E2F2: variants seen among roughly 807,000 people sequenced by gnomAD.
The protein encoded by E2F2 is E2F transcription factor 2.
In E2F2, 22 loss-of-function variants were observed where a neutral mutation model predicts 42.2. That is an observed-to-expected ratio of 0.52 (90% CI 0.37 to 0.74). The LOEUF (loss-of-function observed/expected upper bound fraction) is 0.74, where lower values mean the gene tolerates loss of function less well. Ranked by LOEUF, E2F2 falls within the 30% of genes least tolerant of loss-of-function variation. E2F2 has a pLI of 0.00. For missense variants in E2F2, 481 were observed against 557.8 expected (o/e 0.86, Z 1.39); for synonymous variants, 248 against 251.6 (o/e 0.99, Z 0.13).
intron 1 of E2F2, among the ~76,000 whole-genome samples, chr1:23,528,495 C>T (rs756663479): frequency 4.6e-5 from 7 of 152,190 alleles, no homozygotes; most frequent in Non-Finnish European, 1.0e-4. Flanking sequence ...CCTGGCAGGG[C>T]TTTAGGGTGG....
intron 3 of E2F2, 123 bp downstream of exon 3, chr1:23,521,714 T>C (rs1171592371): frequency 6.7e-7 from 1 of 1,497,870 alleles, no homozygotes; most frequent in Non-Finnish European, 8.9e-7. Context: ...CCTCAGCCCT[T>C]GTGCCCATTG....
At position 23,524,421 on chromosome 1, in the gene E2F2, C is replaced by T. The variant is rs1412249016; in HGVS notation, c.320G>A (p.Gly107Glu). The T allele has an allele frequency of 9.9e-6, 16 of 1,613,890 alleles. No individual in the cohort carries two copies. The highest frequency in any genetic ancestry group is 1.7e-5 in the Admixed American group (1 of 59,986). Residue 107 changes from glycine (G) to glutamate (E), a missense_variant, in exon 2 of 7, where the codon GGG (glycine) becomes GAG (glutamate). Coordinates refer to ENST00000361729, the MANE Select transcript of E2F2 (RefSeq NM_004091.4). ...PVVPEFPTPK[G>E]KCIRVDGLPS... is the part of the protein sequence containing the mutation. ...GAGGCCATCCACTCTGATGCACTTC[C>T]CCTTGGGGGTTGGGAACTCAGGGAC... is the stretch of plus-strand genomic sequence containing the variant.
chr1:23,530,590 G>C lies in E2F2; in HGVS notation c.204C>G (p.His68Gln). ...ATCGCACAACTTGGCCCTCGGGTCC[G>C]TGGGGAGTGGCGTCGAGGCAGGTGC... ...APGTCLDATP[H>Q]GPEGQVVRCL... Residue 68 changes from histidine (H) to glutamine (Q), a missense_variant, in exon 1 of 7, where the codon CAC (histidine) becomes CAG (glutamine). His to Gln is a conservative substitution (Grantham distance 24, BLOSUM62 0). Transcript: ENST00000361729. This position sits in a 1 kb window ranked among gnomAD's most constrained non-coding sequence, Gnocchi z 4.4. The C allele has an allele frequency of 1.9e-6, 3 of 1,612,982 alleles. No homozygotes were observed. Among genetic ancestry groups the C allele is most frequent in the Non-Finnish European group, 2.5e-6 (3 of 1,179,762 alleles).
rs1643323862 is a variant in E2F2, at chr1:23,530,642, T to A, written c.152A>T (p.Gln51Leu). Residue 51 changes from glutamine to leucine, a missense_variant, in exon 1 of 7, where the codon CAG becomes CTG. Gln to Leu is a moderately radical substitution (Grantham distance 113). Transcript: ENST00000361729. This position sits in a 1 kb window ranked among gnomAD's most constrained non-coding sequence, Gnocchi z 4.4. ...TATYYTPLYP[Q>L]TAPPAAAPGT... ...TGGCGCCGCTGCGGGAGGCGCCGTC[T>A]GCGGGTACAGCGGTGTGTAGTAGGT... The A allele has an allele frequency of 1.9e-6, 3 of 1,613,336 alleles. No homozygotes were observed. The highest frequency in any genetic ancestry group is 1.7e-6 in the Non-Finnish European group (2 of 1,179,788).
chr1:23,522,482 T>G (rs1345712909), intron 2 of E2F2, among the ~76,000 whole-genome samples: 1 of 152,242 alleles, frequency 6.6e-6, no homozygotes, highest in Non-Finnish European at 1.5e-5. Context: ...TTAAGTAATT[T>G]GCTCAGCTCA....
intron 6 of E2F2, among the ~76,000 whole-genome samples, chr1:23,512,669 C>T (rs562242280): frequency 2.6e-5 from 4 of 152,254 alleles, no homozygotes; most frequent in African/African-American, 9.6e-5. Context: ...ATAGGTCAGA[C>T]CTTGCTGTCT....
In E2F2 at chr1:23,516,348, G is replaced by A; in HGVS notation, c.1032C>T (p.Pro344=). ...SSSTDPSIME[P]TASSVPAPAP... ...CAAGGGACCTACCTGAGGATGCTGTGGGCTCCATGATGCTAGGGTCGGTGC... is the reference window on the plus strand; with the variant it reads ...CAAGGGACCTACCTGAGGATGCTGTAGGCTCCATGATGCTAGGGTCGGTGC... The change falls in exon 6 of 7, where the codon CCC becomes CCT. Residue 344 remains proline, a synonymous_variant. Transcript: ENST00000361729. 1 of 1,544,582 alleles carries A rather than the reference G, an allele frequency of 6.5e-7. No homozygotes were observed. The highest frequency in any genetic ancestry group is 8.7e-7 in the Non-Finnish European group (1 of 1,150,068).
Position 23,520,913 on chromosome 1 carries a change from C to A in E2F2, c.737G>T (p.Arg246Met). Residue 246 changes from arginine (R) to methionine (M), a missense_variant and splice_region_variant, in exon 4 of 7, where the codon AGG becomes ATG. Arg to Met is a moderately conservative substitution (Grantham distance 91, BLOSUM62 -1). Transcript: ENST00000361729. Reference sequence around the variant, plus strand: ...ACCTTCCCCCAACCAAGGAGGATATCTCTTGTTGGCCTTGTCCTCAGTCAG... The same window carrying A: ...ACCTTCCCCCAACCAAGGAGGATATATCTTGTTGGCCTTGTCCTCAGTCAG... ...KHLTEDKANKRLAYVTYQDIR... is the reference protein window; with the variant it reads ...KHLTEDKANKMLAYVTYQDIR... The A allele has an allele frequency of 6.3e-7, 1 of 1,581,110 alleles. No homozygotes were observed. The highest frequency in any genetic ancestry group is 8.6e-7 in the Non-Finnish European group (1 of 1,163,654).
At position 23,509,698 on chromosome 1, in the gene E2F2, C is replaced by T; in HGVS notation, c.*182G>A. ...GGTGAGGACCACCCCTTATCCACTC[C>T]TCACCCGTACCATTCATATCTCCCC... is the stretch of plus-strand genomic sequence containing the variant. On this transcript the variant is annotated 3_prime_UTR_variant, in exon 7 of 7. Coordinates refer to ENST00000361729, the MANE Select transcript of E2F2 (RefSeq NM_004091.4). 1 of 1,221,264 alleles carries T rather than the reference C, an allele frequency of 8.2e-7. No homozygotes were observed. Among genetic ancestry groups the T allele is most frequent in the Non-Finnish European group, 1.1e-6 (1 of 941,704 alleles). 75.7% of individuals were successfully genotyped at this position (1,221,264 alleles called of 1,614,324 possible). A position where few individuals can be genotyped will look rare whatever the true frequency, so the allele number is the denominator to read the frequency against.
intron 2 of E2F2, among the ~76,000 whole-genome samples, chr1:23,524,104 C>G (rs9424387): frequency 6.8e-5 from 9 of 133,206 alleles, no homozygotes; most frequent in South Asian, 2.4e-4. Flanking sequence ...ACAACAACAA[C>G]AAAAAAAAAC....
At chr1:23,518,510 C>A (rs1476207399) in intron 5 of E2F2, among the ~76,000 whole-genome samples, 2 of 151,680 alleles carry the variant, frequency 1.3e-5, no homozygotes, top group African/African-American at 2.4e-5. Flanking sequence ...TCAAACAAAA[C>A]AGAAGATCTC....
rs140233423 is a variant in E2F2 at position 23,530,249 on chromosome 1, C to T, written c.252+293G>A. Among the ~76,000 whole-genome samples, 75 of 152,384 alleles carry T rather than the reference C, an allele frequency of 4.9e-4. No homozygotes were observed. Among genetic ancestry groups the T allele is most frequent in the African/African-American group, 1.7e-3 (72 of 41,590 alleles). On this transcript the variant is annotated intron_variant, in intron 1 of 6. Coordinates refer to ENST00000361729, the MANE Select transcript of E2F2 (RefSeq NM_004091.4). This position sits in a 1 kb window ranked among gnomAD's most constrained non-coding sequence, Gnocchi z 4.4. ...ATGGCGGCAACGCTGGCTGCATGGA[C>T]TTCCCCAAGGTCACACAGTGCACTG...
At chr1:23,520,575 C>A (rs1344952228) in intron 4 of E2F2, among the ~76,000 whole-genome samples, 1 of 151,904 alleles carries the variant, frequency 6.6e-6, no homozygotes, top group Non-Finnish European at 1.5e-5. Context: ...GAGACCCTGT[C>A]TATACAAAAA....
intron 2 of E2F2, among the ~76,000 whole-genome samples, chr1:23,523,330 T>C (rs1643188653): frequency 6.6e-6 from 1 of 152,152 alleles, no homozygotes; most frequent in Non-Finnish European, 1.5e-5. Context: ...CTAATTTTTG[T>C]ATTTTTAGTA....
At chr1:23,519,225 G>T in intron 4 of E2F2, 95 bp from the exon 5 acceptor site, 1 of 739,626 alleles carries the variant, frequency 1.4e-6, no homozygotes, top group Non-Finnish European at 2.3e-6. Flanking sequence ...CTAAGCCTCT[G>T]AACATTACTT....
intron 1 of E2F2, among the ~76,000 whole-genome samples, chr1:23,525,442 G>A (rs1006500256): frequency 2.6e-5 from 4 of 152,164 alleles, no homozygotes; most frequent in African/African-American, 4.8e-5. Context: ...CAGCTCCTTC[G>A]CAGGCTCACG....
intron 6 of E2F2, among the ~76,000 whole-genome samples, chr1:23,511,377 G>C (rs1411245910): frequency 6.6e-6 from 1 of 151,952 alleles, no homozygotes; most frequent in Middle Eastern, 3.2e-3. Context: ...TGGGACCACT[G>C]GTGCGTGCCA....
chr1:23,510,179 G>A, intron 6 of E2F2, 31 bp from the exon 7 acceptor site: 1 of 1,535,380 alleles, frequency 6.5e-7, no homozygotes, highest in Non-Finnish European at 8.8e-7. Flanking sequence ...GTTACGCCTG[G>A]CCCTAGCATC....
chr1:23,513,605 T>C (rs948960510), intron 6 of E2F2, among the ~76,000 whole-genome samples: 1 of 149,008 alleles, frequency 6.7e-6, no homozygotes, highest in Admixed American at 6.7e-5. Context: ...TGTGTGTGTG[T>C]GTGTGTCTGT....
Sources: allele counts gnomAD v4.1 joint callset (sites outside exome capture counted in the v4.1 genomes callset), GRCh38; gene constraint gnomAD v4.1.1; non-coding constraint Gnocchi (gnomAD v3.1); transcripts MANE v1.5; gene names NCBI Gene and HGNC (gene_info 2026-07-23, HGNC 2026-07-21).